Variants in PACSIN3 observed in about 807,000 individuals in gnomAD.
The protein encoded by PACSIN3 is protein kinase C and casein kinase substrate in neurons protein 3.
Under a neutral mutation model 56.1 loss-of-function variants are expected in PACSIN3, and 34 were observed. That is an observed-to-expected ratio of 0.61 (90% CI 0.46 to 0.81). The LOEUF is 0.81. PACSIN3 is among the 30% of genes least tolerant of loss of function. The probability of loss-of-function intolerance (pLI) is 0.00; values close to 1 mark genes in which losing one functional copy is unlikely to be tolerated. For missense variants in PACSIN3, 535 were observed against 592.4 expected (o/e 0.90, Z 1.01); for synonymous variants, 218 against 229.8 (o/e 0.95, Z 0.46).
At position 47,178,964 on chromosome 11, in the gene PACSIN3, C is replaced by G. The variant is rs922575185; in HGVS notation, c.967G>C (p.Val323Leu). Residue 323 changes from valine to leucine, a missense_variant, in exon 9 of 11, where the codon GTT (valine) becomes CTT (leucine). Coordinates refer to ENST00000298838, the MANE Select transcript of PACSIN3 (RefSeq NM_016223.5). This position sits in a 1 kb window ranked among gnomAD's most constrained non-coding sequence, Gnocchi z 4.2. ...GTAGGCACAATGCTGGTCAGGGTAACCTCATCAGGGCTCCGGCCACCCTTC... is the reference window on the plus strand; with the variant it reads ...GTAGGCACAATGCTGGTCAGGGTAAGCTCATCAGGGCTCCGGCCACCCTTC... Reference protein sequence around the residue: ...KEKGGRSPDEVTLTSIVPTRD... With the variant: ...KEKGGRSPDELTLTSIVPTRD... 2 of 1,614,054 alleles carry G rather than the reference C, an allele frequency of 1.2e-6. No individual in the cohort carries two copies. The highest frequency in any genetic ancestry group is 1.7e-5 in the Admixed American group (1 of 60,020).
chr11:47,178,314 T>C lies in PACSIN3; in HGVS notation c.1159+52A>G, dbSNP rs1952930360. Reference sequence around the variant, plus strand: ...ATTTGGCTTCCCTTTCTGACACCCCTGCTCAGGCAGATAAGGCAGAGGCTG... The same window carrying C: ...ATTTGGCTTCCCTTTCTGACACCCCCGCTCAGGCAGATAAGGCAGAGGCTG... On this transcript the variant is annotated intron_variant, in intron 10 of 10. Transcript: ENST00000298838. The surrounding 1 kb of genome is among the most constrained non-coding windows in gnomAD (Gnocchi z 4.2). The C allele has an allele frequency of 1.9e-6, 3 of 1,603,654 alleles. No homozygotes were observed. Among genetic ancestry groups the C allele is most frequent in the Non-Finnish European group, 2.6e-6 (3 of 1,173,848 alleles).
rs1283972738 is a variant in PACSIN3 at position 47,180,662 on chromosome 11, G to C, written c.240C>G (p.Ala80=). Residue 80 remains alanine (A), a synonymous_variant, in exon 5 of 11, where the codon GCC becomes GCG. Coordinates refer to ENST00000298838, the MANE Select transcript of PACSIN3 (RefSeq NM_016223.5). ...CAGCCGCCGTGAAAAAGGCATGCCAGGCCTTCTCCAGTGTGCCATACTGGG... is the reference window on the plus strand; with the variant it reads ...CAGCCGCCGTGAAAAAGGCATGCCACGCCTTCTCCAGTGTGCCATACTGGG... ...KGPQYGTLEK[A]WHAFFTAAER... The C allele has an allele frequency of 6.9e-6, 11 of 1,602,144 alleles. No individual in the cohort carries two copies. The highest frequency in any genetic ancestry group is 9.3e-6 in the Non-Finnish European group (11 of 1,179,592).
In PACSIN3 at chr11:47,177,996, C is replaced by T. The variant is rs1952918413; in HGVS notation, c.1210G>A (p.Gly404Ser). 1.9e-6 allele frequency: 3 copies of T among 1,614,034 alleles called. No individual in the cohort carries two copies. Among genetic ancestry groups the T allele is most frequent in the South Asian group, 1.1e-5 (1 of 91,088 alleles). Residue 404 changes from glycine to serine, a missense_variant, in exon 11 of 11, where the codon GGC becomes AGC. By Grantham distance (56) the Gly-to-Ser change is moderately conservative. Coordinates refer to ENST00000298838, the MANE Select transcript of PACSIN3 (RefSeq NM_016223.5). The stretch of plus-strand genomic sequence containing the variant: ...CCAATGCGGCCACTCTGCAACTGGC[C>T]TTGGCACCAGCCCTGCTCGTCCTCC... ...SEEDEQGWCQ[G>S]QLQSGRIGLY...
intron 2 of PACSIN3, 21 bp from the exon 3 acceptor site, chr11:47,182,785 A>G: frequency 6.5e-7 from 1 of 1,542,524 alleles, no homozygotes; most frequent in Non-Finnish European, 8.8e-7. Context: ...CAGAGGGGTA[A>G]GCAGGAAAGC....
chr11:47,182,529 C>A lies in PACSIN3; in HGVS notation c.85G>T (p.Val29Leu). Residue 29 changes from valine to leucine, a missense_variant, in exon 4 of 11, where the codon GTG (valine) becomes TTG (leucine). Coordinates refer to ENST00000298838, the MANE Select transcript of PACSIN3 (RefSeq NM_016223.5). ...AGNYRRTVQR[V>L]EDGHRLCGDL... Reference sequence around the variant, plus strand: ...CCGCACAGCCGGTGCCCGTCCTCCACCCGCTGTACCGTGCGCCTGTAGTTG... The same window carrying A: ...CCGCACAGCCGGTGCCCGTCCTCCAACCGCTGTACCGTGCGCCTGTAGTTG... 1 of 1,613,102 alleles carries A rather than the reference C, an allele frequency of 6.2e-7. No homozygotes were observed. Among genetic ancestry groups the A allele is most frequent in the Non-Finnish European group, 8.5e-7 (1 of 1,179,702 alleles).
At position 47,178,997 on chromosome 11, in the gene PACSIN3, G is replaced by T. The variant is rs370134394; in HGVS notation, c.934C>A (p.Arg312=). Residue 312 remains arginine, a synonymous_variant, in exon 9 of 11, where the codon CGG becomes AGG. Transcript: ENST00000298838. The surrounding 1 kb of genome is among the most constrained non-coding windows in gnomAD (Gnocchi z 4.2). The part of the protein sequence containing the change: ...WSLDTQRTIS[R]KEKGGRSPDE... Reference sequence around the variant, plus strand: ...GGGCTCCGGCCACCCTTCTCTTTCCGGCTGATTGTCCTCTGTGTGTCCAAG... The same window carrying T: ...GGGCTCCGGCCACCCTTCTCTTTCCTGCTGATTGTCCTCTGTGTGTCCAAG... 4 of 1,613,900 alleles carry T rather than the reference G, an allele frequency of 2.5e-6. No homozygotes were observed. In the African/African-American group the frequency reaches 4.0e-5, roughly 16 times the overall value.
intron 1 of PACSIN3, chr11:47,185,941 CCTTG>C (rs1953112969): frequency 1.3e-5 from 2 of 152,230 alleles, no homozygotes; most frequent in Admixed American, 1.3e-4. Flanking sequence ...CCTGGGCCGG[CCTTG>C]CCGTGGGCTC....
At position 47,179,075 on chromosome 11, in the gene PACSIN3, C is replaced by T. The variant is rs777308927; in HGVS notation, c.901-45G>A. 2 of 1,613,948 alleles carry T rather than the reference C, an allele frequency of 1.2e-6. No homozygotes were observed. Among genetic ancestry groups the T allele is most frequent in the Non-Finnish European group, 1.7e-6 (2 of 1,180,014 alleles). ...AGTCAGGTGGGGCCATCTGAACCAC[C>T]TTCACTTACTTCATCCCTAGCCCTG... is the stretch of plus-strand genomic sequence containing the variant. On this transcript the variant is annotated intron_variant, in intron 8 of 10. Coordinates refer to ENST00000298838, the MANE Select transcript of PACSIN3 (RefSeq NM_016223.5). The surrounding 1 kb of genome is among the most constrained non-coding windows in gnomAD (Gnocchi z 4.4).
rs1952953149 is a variant in PACSIN3 at position 47,178,845 on chromosome 11, G to A, written c.1037+49C>T. 1.2e-6 allele frequency: 2 copies of A among 1,606,794 alleles called. No homozygotes were observed. The highest frequency in any genetic ancestry group is 1.1e-5 in the South Asian group (1 of 90,830). Reference sequence around the variant, plus strand: ...GAAACCAAGGAGAAAGGAAAGGAGGGCGGGAGGCAGAGCTGTTTCTTTGCC... The same window carrying A: ...GAAACCAAGGAGAAAGGAAAGGAGGACGGGAGGCAGAGCTGTTTCTTTGCC... On this transcript the variant is annotated intron_variant, in intron 9 of 10. Coordinates refer to ENST00000298838, the MANE Select transcript of PACSIN3 (RefSeq NM_016223.5). The surrounding 1 kb of genome is among the most constrained non-coding windows in gnomAD (Gnocchi z 4.2).
Position 47,182,514 on chromosome 11 carries a change from G to A in PACSIN3, c.100C>T (p.Arg34Trp), listed in dbSNP as rs574904901. 11 of 1,612,598 alleles carry A rather than the reference G, an allele frequency of 6.8e-6. No individual in the cohort carries two copies. The highest frequency in any genetic ancestry group is 5.0e-5 in the Admixed American group (3 of 60,002). ...RTVQRVEDGH[R>W]LCGDLVSCFQ... The stretch of plus-strand genomic sequence containing the variant: ...CAGCTGACCAGGTCCCCGCACAGCC[G>A]GTGCCCGTCCTCCACCCGCTGTACC... The change falls in exon 4 of 11, where the codon CGG (arginine) becomes TGG (tryptophan). Residue 34 changes from arginine to tryptophan, a missense_variant. By Grantham distance (101) the Arg-to-Trp change is moderately radical (BLOSUM62 -3). Coordinates refer to ENST00000298838, the MANE Select transcript of PACSIN3 (RefSeq NM_016223.5).
In PACSIN3 at chr11:47,180,518, C is replaced by G; in HGVS notation, c.384G>C (p.Glu128Asp). The stretch of plus-strand genomic sequence containing the variant: ...GGAAGCCGTCCTCGGCCGCCCGGCT[C>G]TCGCGGAAGCCGCCCAGCACAGGCC... ...FHRPVLGGFRESRAAEDGFRK... is the reference protein window; with the variant it reads ...FHRPVLGGFRDSRAAEDGFRK... Residue 128 changes from glutamate to aspartate, a missense_variant, in exon 5 of 11, where the codon GAG (glutamate) becomes GAC (aspartate). By Grantham distance (45) the Glu-to-Asp change is conservative (BLOSUM62 2). Transcript: ENST00000298838. 1 of 1,603,844 alleles carries G rather than the reference C, an allele frequency of 6.2e-7. No individual in the cohort carries two copies. The highest frequency in any genetic ancestry group is 8.5e-7 in the Non-Finnish European group (1 of 1,179,120).
chr11:47,181,394 G>A (rs1953021829), intron 4 of PACSIN3, among the ~76,000 whole-genome samples: 1 of 152,236 alleles, frequency 6.6e-6, no homozygotes, highest in African/African-American at 2.4e-5. Flanking sequence ...AAAGATCCAT[G>A]CTCCCAGTCA....
Position 47,178,266 on chromosome 11 carries a change from G to A in PACSIN3, c.1159+100C>T. On this transcript the variant is annotated intron_variant, in intron 10 of 10. Coordinates refer to ENST00000298838, the MANE Select transcript of PACSIN3 (RefSeq NM_016223.5). This position sits in a 1 kb window ranked among gnomAD's most constrained non-coding sequence, Gnocchi z 4.2. The stretch of plus-strand genomic sequence containing the variant: ...GACCTGGAACAGCTGAAGGGACAGA[G>A]GACTGGCCCTTAAGAAGTGGGTATT... 1.4e-6 allele frequency: 2 copies of A among 1,458,712 alleles called. No homozygotes were observed. Among genetic ancestry groups the A allele is most frequent in the East Asian group, 4.5e-5 (2 of 43,990 alleles). The allele number at this position is 1,458,712 out of a possible 1,614,324, so 90.4% of individuals were successfully genotyped here. A position where few individuals can be genotyped will look rare whatever the true frequency, so the allele number is the denominator to read the frequency against.
At chr11:47,182,185 A>C (rs1953037814) in intron 4 of PACSIN3, among the ~76,000 whole-genome samples, 2 of 152,114 alleles carry the variant, frequency 1.3e-5, no homozygotes, top group South Asian at 4.1e-4. Flanking sequence ...GGGTAAAACA[A>C]CCATCTCCAC....
chr11:47,177,610 C>T lies in PACSIN3; in HGVS notation c.*321G>A. 1 of 402,200 alleles carries T rather than the reference C, an allele frequency of 2.5e-6. No individual in the cohort carries two copies. The highest frequency in any genetic ancestry group is 4.3e-5 in the Admixed American group (1 of 23,100). 24.9% of individuals were successfully genotyped at this position (402,200 alleles called of 1,614,324 possible). On this transcript the variant is annotated 3_prime_UTR_variant, in exon 11 of 11. Coordinates refer to ENST00000298838, the MANE Select transcript of PACSIN3 (RefSeq NM_016223.5). ...AGAGGGTGCTGCTAGGCCAGAACTACACTCACCCCAAGCCCACCCCAGGAA... is the reference window on the plus strand; with the variant it reads ...AGAGGGTGCTGCTAGGCCAGAACTATACTCACCCCAAGCCCACCCCAGGAA...
At position 47,178,723 on chromosome 11, in the gene PACSIN3, A is replaced by T. The variant is rs955241234; in HGVS notation, c.1037+171T>A. Among the ~76,000 whole-genome samples, 19 of 152,200 alleles carry T rather than the reference A, an allele frequency of 1.2e-4. No individual in the cohort carries two copies. Among genetic ancestry groups the T allele is most frequent in the Admixed American group, 9.2e-4 (14 of 15,280 alleles). On this transcript the variant is annotated intron_variant, in intron 9 of 10. Transcript: ENST00000298838. This position sits in a 1 kb window ranked among gnomAD's most constrained non-coding sequence, Gnocchi z 4.2. The stretch of plus-strand genomic sequence containing the variant: ...AGGGAATGTGGGAAATGCCCAGCAA[A>T]TCTAAACCACTATGAGAACCAGTAT...
In PACSIN3 at chr11:47,179,295, C is replaced by A; in HGVS notation, c.780-16G>T. ...TTCATGGAACCTATGACCCAAGGCA[C>A]ACCCCTCAGTCTAGGAAGTCTAGAC... On this transcript the variant is annotated splice_polypyrimidine_tract_variant and intron_variant, in intron 7 of 10. Coordinates refer to ENST00000298838, the MANE Select transcript of PACSIN3 (RefSeq NM_016223.5). The surrounding 1 kb of genome is among the most constrained non-coding windows in gnomAD (Gnocchi z 4.4). 6.2e-7 allele frequency: 1 copy of A among 1,614,066 alleles called. No homozygotes were observed. Among genetic ancestry groups the A allele is most frequent in the East Asian group, 2.2e-5 (1 of 44,878 alleles).
At chr11:47,181,203 A>C (rs2135457370) in intron 4 of PACSIN3, among the ~76,000 whole-genome samples, 1 of 152,116 alleles carries the variant, frequency 6.6e-6, no homozygotes, top group South Asian at 2.1e-4. Flanking sequence ...GGGAGACTGC[A>C]GTGAGCTGAG....
chr11:47,180,801 A>T (rs886716783), intron 4 of PACSIN3, 111 bp from the exon 5 acceptor site: 2 of 776,850 alleles, frequency 2.6e-6, no homozygotes, highest in Non-Finnish European at 4.0e-6. Context: ...TGGGGTGCAA[A>T]GGTGAATGAC....
Sources: allele counts gnomAD v4.1 joint callset (sites outside exome capture counted in the v4.1 genomes callset), GRCh38; gene constraint gnomAD v4.1.1; non-coding constraint Gnocchi (gnomAD v3.1); transcripts MANE v1.5; gene names NCBI Gene and HGNC (gene_info 2026-07-23, HGNC 2026-07-21).